HECTD3: variants seen among roughly 807,000 people sequenced by gnomAD.
HECTD3 encodes the protein HECT domain E3 ubiquitin protein ligase 3.
A neutral mutation model predicts 109.3 loss-of-function variants in HECTD3; 72 were observed. The ratio of observed to expected loss-of-function variants is 0.66; its 90% CI spans 0.54 to 0.80. HECTD3 has a LOEUF of 0.80. HECTD3 is among the 30% of genes least tolerant of loss of function. HECTD3 has a pLI of 0.00. For synonymous variants in HECTD3, 481 were observed against 471.8 expected, an observed-to-expected ratio of 1.02 and a Z score of -0.25; for missense variants, 1,041 against 1,165.2, an observed-to-expected ratio of 0.89 and a Z score of 1.55.
rs11211065 is a variant in HECTD3, at chr1:45,004,831, G to A, written c.1936-25C>T. The A allele has an allele frequency of 0.011, 17,338 of 1,601,380 alleles. 1,589 individuals are homozygous for A. The African/African-American group carries it at 0.2, about 18-fold the overall frequency. On this transcript the variant is annotated intron_variant, in intron 15 of 20. Coordinates refer to ENST00000372172, the MANE Select transcript of HECTD3 (RefSeq NM_024602.6). Reference sequence around the variant, plus strand: ...CCTAGGGGTTGGAGAGAGGCAGGGAGGTAACCTTTTCACTGTGGAGATAGT... The same window carrying A: ...CCTAGGGGTTGGAGAGAGGCAGGGAAGTAACCTTTTCACTGTGGAGATAGT...
intron 8 of HECTD3, 38 bp downstream of exon 8, chr1:45,008,498 G>T: frequency 6.2e-7 from 1 of 1,601,002 alleles, no homozygotes; most frequent in Non-Finnish European, 8.6e-7. Flanking sequence ...TCAATGTTGG[G>T]GGAAGGGAAG....
intron 4 of HECTD3, 101 bp from the exon 5 acceptor site, chr1:45,009,784 G>C (rs1375326525): frequency 9.0e-7 from 1 of 1,111,130 alleles, no homozygotes; most frequent in East Asian, 2.4e-5. Context: ...TAGTGAAGTT[G>C]GGCTAACAGG....
rs1557731073 is a variant in HECTD3, at chr1:45,010,652, C to A, written c.424G>T (p.Val142Leu). 6.3e-7 allele frequency: 1 copy of A among 1,597,250 alleles called. No homozygotes were observed. Among genetic ancestry groups the A allele is most frequent in the Non-Finnish European group, 8.5e-7 (1 of 1,174,806 alleles). ...GCTCCGCCCTCCGCCGGGCGGCACA[C>A]CAGCAGCCAGCCTTCCTGCAGCCCG... is the stretch of plus-strand genomic sequence containing the variant. ...DCGLQEGWLL[V>L]CRPAEGGARL... Residue 142 changes from valine (V) to leucine (L), a missense_variant, in exon 2 of 21, where the codon GTG becomes TTG. Physicochemically the swap from Val to Leu is conservative, Grantham distance 32 (BLOSUM62 1). Transcript: ENST00000372172.
In HECTD3 at chr1:45,010,593, G is replaced by A; in HGVS notation, c.483C>T (p.Leu161=). ...CGCCAAAGAGCTGCTGCTGCCGCTG[G>A]AGGTGGTTGGGAGTGTCGATGGGTA... ...RLVPIDTPNH[L]QRQQQLFGVD... Residue 161 remains leucine (L), a synonymous_variant, in exon 2 of 21, where the codon CTC becomes CTT. Coordinates refer to ENST00000372172, the MANE Select transcript of HECTD3 (RefSeq NM_024602.6). 6.2e-7 allele frequency: 1 copy of A among 1,613,576 alleles called. No homozygotes were observed. The highest frequency in any genetic ancestry group is 8.5e-7 in the Non-Finnish European group (1 of 1,179,980).
Position 45,005,995 on chromosome 1 carries a change from A to G in HECTD3, c.1845+2T>C. On this transcript the variant is annotated splice_donor_variant, in intron 14 of 20. Coordinates refer to ENST00000372172, the MANE Select transcript of HECTD3 (RefSeq NM_024602.6). LOFTEE classifies it high-confidence loss of function. The stretch of plus-strand genomic sequence containing the variant: ...GACGGGGGTGTGGATAAGGCTACTC[A>G]CCAGGAACTCCTTACCCCGAAGGGC... The G allele has an allele frequency of 1.2e-6, 2 of 1,613,844 alleles. No individual in the cohort carries two copies. The highest frequency in any genetic ancestry group is 2.2e-5 in the South Asian group (2 of 91,058).
In HECTD3 at chr1:45,007,247, C is replaced by T. The variant is rs748572008; in HGVS notation, c.1528G>A (p.Asp510Asn). ...TQVYEGLKPS[D>N]KYEKPLDYRW... The stretch of plus-strand genomic sequence containing the variant: ...TAGTCCAGGGGCTTTTCATATTTGT[C>T]AGAGGGCTTGAGGCCTTCATATACC... Residue 510 changes from aspartate (D) to asparagine (N), a missense_variant, in exon 11 of 21, where the codon GAC becomes AAC. This residue lies in a region of HECTD3 where 569 missense variants were observed against 715.3 expected (regional missense o/e 0.80). Transcript: ENST00000372172. 1 of 1,613,524 alleles carries T rather than the reference C, an allele frequency of 6.2e-7. No homozygotes were observed. Among genetic ancestry groups the T allele is most frequent in the Non-Finnish European group, 8.5e-7 (1 of 1,179,758 alleles).
chr1:45,010,447 G>T, intron 2 of HECTD3, 99 bp downstream of exon 2: 1 of 1,529,522 alleles, frequency 6.5e-7, no homozygotes. Flanking sequence ...CCCTGCCTCC[G>T]CTCCAGTATC....
Position 45,004,060 on chromosome 1 carries a change from C to T in HECTD3, c.2347G>A (p.Glu783Lys), listed in dbSNP as rs1456095644. ...TGTCACCCTGCCCTCCTCCACTGAC[C>T]GTTGGTGAAGTTGTTCAGTGCCTCC... is the stretch of plus-strand genomic sequence containing the variant. ...FWEALNNFTN[E>K]DRSRFLRFVT... is the part of the protein sequence containing the mutation. The change falls in exon 18 of 21, where the codon GAG (glutamate) becomes AAG (lysine). Residue 783 changes from glutamate (E) to lysine (K), a missense_variant and splice_region_variant. Glu to Lys is a moderately conservative substitution (Grantham distance 56). Around this residue, in one of 2 missense-constraint regions of HECTD3, gnomAD observed 569 missense variants for 715.3 expected, o/e 0.80. Transcript: ENST00000372172. 1.9e-6 allele frequency: 3 copies of T among 1,614,040 alleles called. No homozygotes were observed. Among genetic ancestry groups the T allele is most frequent in the South Asian group, 1.1e-5 (1 of 91,076 alleles).
intron 15 of HECTD3, chr1:45,005,537 A>G (rs1644727992): frequency 2.6e-6 from 1 of 386,482 alleles, no homozygotes; most frequent in Non-Finnish European, 4.6e-6. Flanking sequence ...GATAAAGAAC[A>G]CACTGAGCCT....
chr1:45,010,979 G>A lies in HECTD3; in HGVS notation c.279C>T (p.Arg93=), dbSNP rs1000689718. ...CGCCGCGCCGGAGCTCAATGCTGTC[G>A]CGGGCGGCGCGGAGGGGCCCGGAGC... The part of the protein sequence containing the change: ...GTGSGPLRAA[R]DSIELRRGAC... The change falls in exon 1 of 21, where the codon CGC becomes CGT. Residue 93 remains arginine, a synonymous_variant. Transcript: ENST00000372172. The A allele has an allele frequency of 1.3e-6, 2 of 1,504,062 alleles. No homozygotes were observed. Among genetic ancestry groups the A allele is most frequent in the Admixed American group, 2.4e-5 (1 of 42,470 alleles). 93.2% of individuals were successfully genotyped at this position (1,504,062 alleles called of 1,614,324 possible). A position where few individuals can be genotyped will look rare whatever the true frequency, so the allele number is the denominator to read the frequency against.
chr1:45,010,320 T>A, intron 2 of HECTD3, 27 bp from the exon 3 acceptor site: 1 of 1,602,914 alleles, frequency 6.2e-7, no homozygotes, highest in Non-Finnish European at 8.5e-7. Context: ...GGGAGTGGGA[T>A]GGGGAGACAT....
intron 15 of HECTD3, 104 bp from the exon 16 acceptor site, chr1:45,004,910 G>C: frequency 1.0e-6 from 1 of 996,826 alleles, no homozygotes; most frequent in South Asian, 1.3e-5. Context: ...AGGCAAGGCA[G>C]TCCCCATGGA....
intron 10 of HECTD3, 47 bp from the exon 11 acceptor site, chr1:45,007,318 T>C: frequency 6.2e-7 from 1 of 1,604,232 alleles, no homozygotes; most frequent in Non-Finnish European, 8.5e-7. Flanking sequence ...GACCTGGCCC[T>C]ATACTTGCCC....
rs933847620 is a variant in HECTD3, at chr1:45,006,923, C to G, written c.1621+28G>C. 6.2e-7 allele frequency: 1 copy of G among 1,609,476 alleles called. No homozygotes were observed. The highest frequency in any genetic ancestry group is 1.3e-5 in the African/African-American group (1 of 74,814). Reference sequence around the variant, plus strand: ...CACTTTGATAGGGCAGCAAGCAGGACCCTTGAGATCCTCCCTCAGGGCCTC... The same window carrying G: ...CACTTTGATAGGGCAGCAAGCAGGAGCCTTGAGATCCTCCCTCAGGGCCTC... On this transcript the variant is annotated intron_variant, in intron 12 of 20. Transcript: ENST00000372172. The surrounding 1 kb of genome is among the most constrained non-coding windows in gnomAD (Gnocchi z 4.7).
At chr1:45,007,055 A>T (rs1557728363) in intron 11 of HECTD3, 40 bp from the exon 12 acceptor site, 2 of 1,609,058 alleles carry the variant, frequency 1.2e-6, no homozygotes, top group East Asian at 2.2e-5. Context: ...ATGTGGGGCC[A>T]GGTGCAGCAC....
Position 45,006,131 on chromosome 1 carries a change from G to C in HECTD3, c.1726-15C>G, listed in dbSNP as rs779839902. 3.7e-6 allele frequency: 6 copies of C among 1,611,384 alleles called. No homozygotes were observed. The Admixed American group carries it at 1.0e-4, about 27-fold the overall frequency. ...GTGCCATTGCCCTGCCCCAGAGACA[G>C]AGCTGTGAGTGTGGCATGAGATACA... On this transcript the variant is annotated splice_polypyrimidine_tract_variant and intron_variant, in intron 13 of 20. Transcript: ENST00000372172. The surrounding 1 kb of genome is among the most constrained non-coding windows in gnomAD (Gnocchi z 4.7).
At position 45,008,434 on chromosome 1, in the gene HECTD3, G is replaced by C. The variant is rs556808973; in HGVS notation, c.1238+102C>G. On this transcript the variant is annotated intron_variant, in intron 8 of 20. Coordinates refer to ENST00000372172, the MANE Select transcript of HECTD3 (RefSeq NM_024602.6). ...GGACCTGGGGGCTTCTCTGACCCTT[G>C]AACAGCTTATACTATGAGACCTTGG... is the stretch of plus-strand genomic sequence containing the variant. The C allele has an allele frequency of 2.0e-5, 30 of 1,499,322 alleles. No individual in the cohort carries two copies. In the African/African-American group the frequency reaches 4.0e-4, roughly 20 times the overall value. 92.9% of individuals were successfully genotyped at this position (1,499,322 alleles called of 1,614,324 possible).
chr1:45,006,348 C>T lies in HECTD3; in HGVS notation c.1726-232G>A. 1 of 517,844 alleles carries T rather than the reference C, an allele frequency of 1.9e-6. No homozygotes were observed. The allele number at this position is 517,844 out of a possible 1,614,324, so 32.1% of individuals were successfully genotyped here. On this transcript the variant is annotated intron_variant, in intron 13 of 20. Transcript: ENST00000372172. This position sits in a 1 kb window ranked among gnomAD's most constrained non-coding sequence, Gnocchi z 4.7. The stretch of plus-strand genomic sequence containing the variant: ...TGAGACAGAGTCTCACTGTGTCACC[C>T]AGGCTGGAGTGCAGTGGCGTGATCT...
chr1:45,010,731 C>G, intron 1 of HECTD3, 25 bp from the exon 2 acceptor site: 1 of 1,528,956 alleles, frequency 6.5e-7, no homozygotes, highest in Non-Finnish European at 8.7e-7. Context: ...AGGATGGGGA[C>G]AGCCGTCAGG....
Sources: allele counts gnomAD v4.1 joint callset, GRCh38; gene constraint gnomAD v4.1.1; regional missense constraint gnomAD v4.1.1; non-coding constraint Gnocchi (gnomAD v3.1); transcripts MANE v1.5; gene names NCBI Gene and HGNC (gene_info 2026-07-23, HGNC 2026-07-21).